DDAH1: variants seen among roughly 807,000 people sequenced by gnomAD.
DDAH1 encodes N(G),N(G)-dimethylarginine dimethylaminohydrolase 1.
In DDAH1, 19 loss-of-function variants were observed where a neutral mutation model predicts 28.8. That is an observed-to-expected ratio of 0.66 (90% CI 0.46 to 0.97). The LOEUF (loss-of-function observed/expected upper bound fraction) is 0.97. Ranked by LOEUF, DDAH1 falls within the 50% of genes least tolerant of loss-of-function variation. The probability of loss-of-function intolerance (pLI) is 0.00; values close to 1 mark genes in which losing one functional copy is unlikely to be tolerated. For synonymous variants in DDAH1, 153 were observed against 154.4 expected, an observed-to-expected ratio of 0.99 and a Z score of 0.07; for missense variants, 326 against 375.9, an observed-to-expected ratio of 0.87 and a Z score of 1.10.
chr1:85,485,818 G>A (rs1330386605), intron 2 of DDAH1, among the ~76,000 whole-genome samples: 1 of 152,098 alleles, frequency 6.6e-6, no homozygotes, highest in Non-Finnish European at 1.5e-5. Context: ...AAATAGGTGG[G>A]GTTCAAGCAT....
At chr1:85,446,509 G>C (rs746428612) in intron 1 of DDAH1, among the ~76,000 whole-genome samples, 1 of 152,108 alleles carries the variant, frequency 6.6e-6, no homozygotes, top group Non-Finnish European at 1.5e-5. Context: ...CTACTGGTGG[G>C]CTTTCAGGAA....
At chr1:85,323,862 C>T (rs1661453546) in intron 5 of DDAH1, among the ~76,000 whole-genome samples, 2 of 150,310 alleles carry the variant, frequency 1.3e-5, no homozygotes, top group African/African-American at 2.5e-5. Context: ...CCCAGCTACT[C>T]GGGAGGCTGA....
chr1:85,422,196 C>T (rs1033712323), intron 1 of DDAH1, among the ~76,000 whole-genome samples: 2 of 152,142 alleles, frequency 1.3e-5, no homozygotes, highest in African/African-American at 4.8e-5. Context: ...TTTCCATCTG[C>T]ATATCTTCTT....
chr1:85,324,642 G>A (rs1647255194), intron 5 of DDAH1, 98 bp downstream of exon 5: 4 of 1,323,946 alleles, frequency 3.0e-6, no homozygotes, highest in Non-Finnish European at 4.2e-6. Context: ...TGTTTGATAT[G>A]TATACAGGAA....
At chr1:85,450,218 C>T (rs1377438423) in intron 1 of DDAH1, among the ~76,000 whole-genome samples, 2 of 152,170 alleles carry the variant, frequency 1.3e-5, no homozygotes, top group South Asian at 2.1e-4. Flanking sequence ...TCCATGAGGG[C>T]AGGCATCATA....
chr1:85,340,736 C>T (rs1648423609), intron 4 of DDAH1, among the ~76,000 whole-genome samples: 1 of 152,086 alleles, frequency 6.6e-6, no homozygotes, highest in Non-Finnish European at 1.5e-5. Context: ...TCTGAAAAAA[C>T]ACCTTCAGCT....
intron 1 of DDAH1, among the ~76,000 whole-genome samples, chr1:85,516,934 T>C (rs1296177136): frequency 6.6e-6 from 1 of 152,228 alleles, no homozygotes; most frequent in Non-Finnish European, 1.5e-5. Flanking sequence ...AGGAACGTTA[T>C]AGTACAGTGG....
In DDAH1 at chr1:85,358,462, C is replaced by CA. The variant is rs755993497; in HGVS notation, c.403+285dup. On this transcript the variant is annotated intron_variant, in intron 2 of 5. Transcript: ENST00000284031. The stretch of plus-strand genomic sequence containing the variant: ...GTCAGGAGTTTGAGACCAGCCTGGC[C>CA]AACATAGTGAAATCCCATCTCTACT... 1.3e-4 allele frequency among the ~76,000 whole-genome samples: 20 copies of CA among 152,116 alleles called. No homozygotes were observed. In the South Asian group the frequency reaches 2.7e-3, roughly 21 times the overall value.
intron 1 of DDAH1, among the ~76,000 whole-genome samples, chr1:85,565,508 C>T (rs1160661867): frequency 6.6e-6 from 1 of 151,968 alleles, no homozygotes; most frequent in South Asian, 2.1e-4. Context: ...GTGAAGGGCT[C>T]ATTAGATTGA....
chr1:85,401,550 A>C (rs921274609), intron 1 of DDAH1, among the ~76,000 whole-genome samples: 15 of 133,718 alleles, frequency 1.1e-4, no homozygotes, highest in Non-Finnish European at 1.8e-4. Flanking sequence ...CCCATGCTGG[A>C]GTACAGTCGC....
At chr1:85,509,751 C>T (rs1259330900) in intron 1 of DDAH1, among the ~76,000 whole-genome samples, 1 of 151,958 alleles carries the variant, frequency 6.6e-6, no homozygotes, top group Non-Finnish European at 1.5e-5. Flanking sequence ...GGTTGCAAAT[C>T]AAATTAATGA....
chr1:85,403,268 T>TATATAC, intron 1 of DDAH1, among the ~76,000 whole-genome samples: 1 of 151,774 alleles, frequency 6.6e-6, no homozygotes, highest in Middle Eastern at 3.4e-3. Flanking sequence ...CATGTACACA[T>TATATAC]ATATACATAT....
intron 1 of DDAH1, among the ~76,000 whole-genome samples, chr1:85,435,535 TACA>T (rs1434231442): frequency 6.6e-6 from 1 of 152,166 alleles, no homozygotes; most frequent in Non-Finnish European, 1.5e-5. Flanking sequence ...AATAAATAAG[TACA>T]ACAAGTAAAT....
chr1:85,375,475 A>G (rs1333813989), intron 1 of DDAH1, among the ~76,000 whole-genome samples: 5 of 152,188 alleles, frequency 3.3e-5, no homozygotes, highest in Non-Finnish European at 7.4e-5. Context: ...TGAAAGCTCA[A>G]CTGTCACATT....
At chr1:85,574,115 C>T (rs1027288190) in intron 1 of DDAH1, among the ~76,000 whole-genome samples, 1 of 152,164 alleles carries the variant, frequency 6.6e-6, no homozygotes, top group African/African-American at 2.4e-5. Flanking sequence ...AGAAAATATG[C>T]AAACAGTGAA....
At chr1:85,534,539 T>C (rs1482673106) in intron 1 of DDAH1, among the ~76,000 whole-genome samples, 1 of 152,048 alleles carries the variant, frequency 6.6e-6, no homozygotes, top group Non-Finnish European at 1.5e-5. Flanking sequence ...AGCCAAGATA[T>C]TAGTTATTTT....
chr1:85,531,172 G>A (rs1351252657), intron 1 of DDAH1, among the ~76,000 whole-genome samples: 7 of 152,126 alleles, frequency 4.6e-5, no homozygotes, highest in Non-Finnish European at 8.8e-5. Context: ...ACAGTTAACA[G>A]TTTGGGACTA....
chr1:85,427,614 A>G (rs988589998), intron 1 of DDAH1, among the ~76,000 whole-genome samples: 2 of 152,222 alleles, frequency 1.3e-5, no homozygotes, highest in Non-Finnish European at 2.9e-5. Flanking sequence ...ATCTTCTTAC[A>G]TGATCATTAA....
intron 4 of DDAH1, among the ~76,000 whole-genome samples, chr1:85,329,442 C>T (rs1370476202): frequency 6.6e-6 from 1 of 152,178 alleles, no homozygotes; most frequent in Non-Finnish European, 1.5e-5. Flanking sequence ...TTTAATGCTT[C>T]TTCCTTTTCT....
Sources: allele counts gnomAD v4.1 joint callset (sites outside exome capture counted in the v4.1 genomes callset), GRCh38; gene constraint gnomAD v4.1.1; transcripts MANE v1.5; gene names NCBI Gene and HGNC (gene_info 2026-07-23, HGNC 2026-07-21).